The following B3GLCT variants were observed in gnomAD, a reference collection of about 807,000 sequenced individuals.
The protein encoded by B3GLCT is beta-1,3-glucosyltransferase.
In B3GLCT, 65 loss-of-function variants were observed where a neutral mutation model predicts 63.4. The ratio of observed to expected loss-of-function variants is 1.03; its 90% confidence interval spans 0.84 to 1.26. The LOEUF is 1.26. B3GLCT is among the 50% of genes most tolerant of loss of function. The pLI, the probability that B3GLCT is intolerant of heterozygous loss-of-function variation, is 0.00. For synonymous variants in B3GLCT, 233 were observed against 219.2 expected (o/e 1.06, Z -0.55); for missense variants, 577 against 604.8 (o/e 0.95, Z 0.48).
At chr13:31,328,019 G>A (rs866086440) in intron 14 of B3GLCT, among the ~76,000 whole-genome samples, 8 of 152,182 alleles carry the variant, frequency 5.3e-5, no homozygotes, top group Admixed American at 1.3e-4. Flanking sequence ...AGAGGCAGCC[G>A]GTGTCCTGGC....
intron 2 of B3GLCT, among the ~76,000 whole-genome samples, chr13:31,222,492 T>G: frequency 6.6e-6 from 1 of 152,206 alleles, no homozygotes; most frequent in African/African-American, 2.4e-5. Context: ...GAAGATAGCA[T>G]GACTGCACCC....
At chr13:31,259,475 A>G (rs1014636776) in intron 6 of B3GLCT, among the ~76,000 whole-genome samples, 4 of 151,838 alleles carry the variant, frequency 2.6e-5, no homozygotes, top group African/African-American at 9.7e-5. Context: ...ATCTCCCGGC[A>G]CTACAGTACT....
At chr13:31,324,700 ACT>A (rs1491318826) in intron 14 of B3GLCT, among the ~76,000 whole-genome samples, 1 of 152,152 alleles carries the variant, frequency 6.6e-6, no homozygotes, top group Non-Finnish European at 1.5e-5. Flanking sequence ...TATTGAAAAT[ACT>A]TTTTTTATGC....
chr13:31,301,325 C>T lies in B3GLCT; in HGVS notation c.1064+14506C>T, dbSNP rs182143912. On this transcript the variant is annotated intron_variant, in intron 12 of 14. Transcript: ENST00000343307. ...CCCCACCAGCTCTTCAGTTTCTGTT[C>T]TGCACTATGTGGGCCTGGGCAGTCT... 6.1e-3 allele frequency among the ~76,000 whole-genome samples: 928 copies of T among 152,290 alleles called. 6 individuals are homozygous for T. Among genetic ancestry groups the T allele is most frequent in the Non-Finnish European group, 9.6e-3 (652 of 68,028 alleles).
At chr13:31,220,764 T>C (rs2137755159) in intron 2 of B3GLCT, among the ~76,000 whole-genome samples, 1 of 152,338 alleles carries the variant, frequency 6.6e-6, no homozygotes, top group East Asian at 1.9e-4. Context: ...CTGCTGTGTT[T>C]AATGGCAAAG....
At position 31,200,044 on chromosome 13, in the gene B3GLCT, T is replaced by C; in HGVS notation, c.-41T>C. ...CAGCTCCGCTCCCCGCGCGTCTCCC[T>C]TCCCCGCGCCCAGGTAGGGCGCTCA... is the stretch of plus-strand genomic sequence containing the variant. On this transcript the variant is annotated 5_prime_UTR_variant, in exon 1 of 15. Transcript: ENST00000343307. 1 of 1,286,658 alleles carries C rather than the reference T, an allele frequency of 7.8e-7. No homozygotes were observed. The highest frequency in any genetic ancestry group is 1.0e-6 in the Non-Finnish European group (1 of 998,792). The allele number at this position is 1,286,658 out of a possible 1,614,324, so 79.7% of individuals were successfully genotyped here. A position where few individuals can be genotyped will look rare whatever the true frequency, so the allele number is the denominator to read the frequency against.
At chr13:31,219,922 T>G (rs1199013463) in intron 2 of B3GLCT, among the ~76,000 whole-genome samples, 1 of 152,236 alleles carries the variant, frequency 6.6e-6, no homozygotes, top group African/African-American at 2.4e-5. Flanking sequence ...GGTGCCAATA[T>G]TATTGAGCAT....
intron 9 of B3GLCT, among the ~76,000 whole-genome samples, chr13:31,275,305 A>G (rs995224232): frequency 2.0e-5 from 3 of 152,240 alleles, no homozygotes; most frequent in Non-Finnish European, 4.4e-5. Flanking sequence ...AGAGAAGCCA[A>G]GTGCTTGCTT....
At position 31,261,078 on chromosome 13, in the gene B3GLCT, A is replaced by C. The variant is rs1348484777; in HGVS notation, c.592A>C (p.Asn198His). Reference protein sequence around the residue: ...AGWALSIPLVNKLTKRLKSES... With the variant: ...AGWALSIPLVHKLTKRLKSES... ...CTGGGCCTTAAGTATTCCACTTGTA[A>C]ACAAGTAAGAATTTATTGGAATTTT... is the stretch of plus-strand genomic sequence containing the variant. Residue 198 changes from asparagine (N) to histidine (H), a missense_variant, in exon 7 of 15, where the codon AAC (asparagine) becomes CAC (histidine). Coordinates refer to ENST00000343307, the MANE Select transcript of B3GLCT (RefSeq NM_194318.4). The C allele has an allele frequency of 6.2e-7, 1 of 1,613,458 alleles. No homozygotes were observed. The highest frequency in any genetic ancestry group is 8.5e-7 in the Non-Finnish European group (1 of 1,179,840).
rs190764211 is a variant in B3GLCT, at chr13:31,269,959, G to T, written c.660+682G>T. Among the ~76,000 whole-genome samples the T allele has an allele frequency of 2.6e-5, 4 of 152,224 alleles. No homozygotes were observed. In the East Asian group the frequency reaches 7.7e-4, roughly 29 times the overall value. On this transcript the variant is annotated intron_variant, in intron 8 of 14. Coordinates refer to ENST00000343307, the MANE Select transcript of B3GLCT (RefSeq NM_194318.4). Reference sequence around the variant, plus strand: ...CAGTCTATGGTATTTTACTGTTGGAGCCTGAACAGACTAAGACGTATGCCT... The same window carrying T: ...CAGTCTATGGTATTTTACTGTTGGATCCTGAACAGACTAAGACGTATGCCT...
At chr13:31,288,361 G>A (rs904687873) in intron 12 of B3GLCT, among the ~76,000 whole-genome samples, 2 of 152,084 alleles carry the variant, frequency 1.3e-5, no homozygotes, top group Non-Finnish European at 2.9e-5. Context: ...CTGCTCAGGG[G>A]GCTAACAACT....
intron 12 of B3GLCT, among the ~76,000 whole-genome samples, chr13:31,295,802 C>CA (rs1400272123): frequency 6.6e-6 from 1 of 152,174 alleles, no homozygotes; most frequent in African/African-American, 2.4e-5. Flanking sequence ...CTTGCTTTAA[C>CA]CCCCTTTCCA....
intron 10 of B3GLCT, 82 bp downstream of exon 10, chr13:31,276,853 T>C: frequency 9.9e-7 from 1 of 1,005,904 alleles, no homozygotes; most frequent in Non-Finnish European, 1.6e-6. Context: ...TTCTTGAGTG[T>C]AAATTCAGAA....
intron 12 of B3GLCT, among the ~76,000 whole-genome samples, chr13:31,295,273 C>T (rs1036980193): frequency 2.0e-5 from 3 of 152,182 alleles, no homozygotes; most frequent in Admixed American, 2.0e-4. Flanking sequence ...AGGTGTCTCC[C>T]AGTCAGGAGG....
At chr13:31,279,060 A>C (rs1872930893) in intron 10 of B3GLCT, among the ~76,000 whole-genome samples, 1 of 152,162 alleles carries the variant, frequency 6.6e-6, no homozygotes, top group African/African-American at 2.4e-5. Flanking sequence ...TCCATACTTG[A>C]TAAATAGTCT....
At chr13:31,318,788 G>T (rs1875186991) in intron 13 of B3GLCT, among the ~76,000 whole-genome samples, 2 of 152,176 alleles carry the variant, frequency 1.3e-5, no homozygotes, top group African/African-American at 4.8e-5. Flanking sequence ...ATTGAGCCAG[G>T]ATGTTCCACT....
intron 4 of B3GLCT, among the ~76,000 whole-genome samples, chr13:31,242,423 G>T (rs566626873): frequency 6.6e-6 from 1 of 152,152 alleles, no homozygotes; most frequent in Non-Finnish European, 1.5e-5. Flanking sequence ...AACAGTACCT[G>T]GTACATAGTA....
At position 31,208,624 on chromosome 13, in the gene B3GLCT, C is replaced by CA. The variant is rs1566039651; in HGVS notation, c.71-6427_71-6426insA. ...CAGCTTCTGCTTCTTTAGTGGCCCC[C>CA]CCCCCCCGCTCACTGCCACCTTCAT... On this transcript the variant is annotated intron_variant, in intron 1 of 14. Transcript: ENST00000343307. Among the ~76,000 whole-genome samples the CA allele has an allele frequency of 2.5e-5, 3 of 118,094 alleles. 1 individual carries two copies. Among genetic ancestry groups the CA allele is most frequent in the South Asian group, 7.3e-4 (2 of 2,728 alleles). The allele number at this position is 118,094 out of a possible 152,430, so 77.5% of individuals were successfully genotyped here. A position where few individuals can be genotyped will look rare whatever the true frequency, so the allele number is the denominator to read the frequency against.
chr13:31,313,571 G>C (rs1243936929), intron 12 of B3GLCT, among the ~76,000 whole-genome samples: 4 of 152,188 alleles, frequency 2.6e-5, no homozygotes, highest in Admixed American at 6.5e-5. Flanking sequence ...TTTCTAAGCA[G>C]AAAAGCATTC....
Sources: allele counts gnomAD v4.1 joint callset (sites outside exome capture counted in the v4.1 genomes callset), GRCh38; gene constraint gnomAD v4.1.1; transcripts MANE v1.5; gene names NCBI Gene and HGNC (gene_info 2026-07-23, HGNC 2026-07-21).